Variants in CACNA1C observed in about 807,000 individuals in gnomAD.
CACNA1C encodes the protein calcium voltage-gated channel subunit alpha1 C, also known as voltage-dependent L-type calcium channel subunit alpha-1C.
CACNA1C carries 30 observed loss-of-function variants against 229.0 expected under a neutral mutation model. The observed-to-expected ratio is 0.13, with a 90% confidence interval of 0.10 to 0.18. The LOEUF (loss-of-function observed/expected upper bound fraction) is 0.18. Ranked by LOEUF, CACNA1C falls within the 10% of genes least tolerant of loss-of-function variation. CACNA1C has a pLI of 1.00. For synonymous variants in CACNA1C, 1,114 were observed against 1,132.5 expected (o/e 0.98, Z 0.33); for missense variants, 1,658 against 2,845.0 (o/e 0.58, Z 9.49).
intron 5 of CACNA1C, among the ~76,000 whole-genome samples, chr12:2,483,174 G>A (rs1224993334): frequency 6.6e-6 from 1 of 152,196 alleles, no homozygotes; most frequent in Non-Finnish European, 1.5e-5. Context: ...CGCTGGGATT[G>A]GAGGCACGAA....
chr12:2,058,809 C>CA (rs1411171287), intron 1 of CACNA1C, among the ~76,000 whole-genome samples: 6 of 152,142 alleles, frequency 3.9e-5, no homozygotes, highest in Non-Finnish European at 5.9e-5. Context: ...GCAGAAAAAG[C>CA]AAAATGGAAG....
chr12:2,579,719 T>A (rs2059840482), intron 13 of CACNA1C, among the ~76,000 whole-genome samples: 3 of 152,172 alleles, frequency 2.0e-5, no homozygotes, highest in Admixed American at 2.0e-4. Context: ...TAGGTGGGAC[T>A]ACAGGCATGC....
intron 29 of CACNA1C, among the ~76,000 whole-genome samples, chr12:2,618,436 G>C (rs2081719916): frequency 6.6e-6 from 1 of 152,256 alleles, no homozygotes. Context: ...CACAGGAGAA[G>C]AGAGTGCATG....
intron 3 of CACNA1C, among the ~76,000 whole-genome samples, chr12:2,303,182 G>T (rs976675698): frequency 6.6e-6 from 1 of 152,250 alleles, no homozygotes; most frequent in Non-Finnish European, 1.5e-5. Flanking sequence ...TGCCTTCCAG[G>T]TGGGAAAATG....
At chr12:2,454,788 G>A (rs943516157) in intron 4 of CACNA1C, among the ~76,000 whole-genome samples, 21 of 152,086 alleles carry the variant, frequency 1.4e-4, no homozygotes, top group African/African-American at 4.6e-4. Context: ...TGCCTCTCTC[G>A]TCACACTTCC....
At chr12:2,643,520 C>T (rs1446662314) in intron 30 of CACNA1C, among the ~76,000 whole-genome samples, 4 of 152,218 alleles carry the variant, frequency 2.6e-5, no homozygotes, top group Admixed American at 2.0e-4. Flanking sequence ...GTTTAACCTT[C>T]GCCTCTCTTA....
upstream of CACNA1C, among the ~76,000 whole-genome samples, chr12:2,050,675 G>A (rs1324692693): frequency 6.6e-6 from 1 of 152,170 alleles, no homozygotes; most frequent in Non-Finnish European, 1.5e-5. Flanking sequence ...TGGCAAAGAG[G>A]CCAGATTTCT....
At chr12:2,554,560 C>T (rs559202574) in intron 10 of CACNA1C, among the ~76,000 whole-genome samples, 14 of 152,230 alleles carry the variant, frequency 9.2e-5, no homozygotes, top group South Asian at 2.1e-4. Flanking sequence ...CACAGTGAAC[C>T]GGCCTAGGGT....
At chr12:2,634,267 C>T (rs746786048) in intron 29 of CACNA1C, 30 bp from the exon 30 acceptor site, 6 of 1,034,586 alleles carry the variant, frequency 5.8e-6, no homozygotes, top group Non-Finnish European at 6.6e-6. Flanking sequence ...TTCTTCTTCT[C>T]TCTCTCCCCG....
At chr12:2,300,943 G>A (rs150084235) in intron 3 of CACNA1C, among the ~76,000 whole-genome samples, 36 of 152,330 alleles carry the variant, frequency 2.4e-4, no homozygotes, top group African/African-American at 8.4e-4. Context: ...GGGATGACGA[G>A]CAGCTGCCCT....
chr12:2,269,436 C>A (rs1601553254), intron 3 of CACNA1C, among the ~76,000 whole-genome samples: 1 of 152,024 alleles, frequency 6.6e-6, no homozygotes, highest in South Asian at 2.1e-4. Flanking sequence ...AATTCTGAGC[C>A]CCTGGGTTCT....
At chr12:2,298,936 G>A (rs1243019054) in intron 3 of CACNA1C, among the ~76,000 whole-genome samples, 1 of 152,174 alleles carries the variant, frequency 6.6e-6, no homozygotes, top group African/African-American at 2.4e-5. Flanking sequence ...CCACCTCCGG[G>A]GACTTCATAG....
chr12:2,681,929 G>C, intron 42 of CACNA1C: 1 of 1,373,566 alleles, frequency 7.3e-7, no homozygotes, highest in Non-Finnish European at 1.0e-6. Flanking sequence ...AGCTAAAGAT[G>C]ACCTGACCCT....
chr12:2,603,058 T>C (rs2073538963), intron 22 of CACNA1C, among the ~76,000 whole-genome samples: 1 of 152,170 alleles, frequency 6.6e-6, no homozygotes, highest in Non-Finnish European at 1.5e-5. Context: ...GCTGAGATCA[T>C]GCAGGGACCA....
chr12:2,649,292 AT>A lies in CACNA1C; in HGVS notation c.3945+786del, dbSNP rs1603311696. On this transcript the variant is annotated intron_variant, in intron 31 of 46. Coordinates refer to ENST00000399655, the MANE Select transcript of CACNA1C (RefSeq NM_000719.7). The surrounding 1 kb of genome is among the most constrained non-coding windows in gnomAD (Gnocchi z 4.4). ...CAGCCGCCTCCAAAAGGCTGCCGTT[AT>A]GCATTTCTAACCGGGCCAAGTATGA... Among the ~76,000 whole-genome samples the A allele has an allele frequency of 6.6e-6, 1 of 152,188 alleles. No homozygotes were observed. Among genetic ancestry groups the A allele is most frequent in the Non-Finnish European group, 1.5e-5 (1 of 68,028 alleles).
intron 3 of CACNA1C, among the ~76,000 whole-genome samples, chr12:2,341,409 G>A (rs1196424640): frequency 1.3e-5 from 2 of 152,154 alleles, no homozygotes; most frequent in Non-Finnish European, 1.5e-5. Context: ...CCAATTTCCT[G>A]AGGATTCCAA....
chr12:2,135,955 C>G (rs557424899), intron 3 of CACNA1C, among the ~76,000 whole-genome samples: 1 of 148,976 alleles, frequency 6.7e-6, no homozygotes, highest in Non-Finnish European at 1.5e-5. Flanking sequence ...TAGCAATCAG[C>G]GAGACTCCGT....
At chr12:2,496,769 T>C (rs991047464) in intron 7 of CACNA1C, among the ~76,000 whole-genome samples, 1 of 152,168 alleles carries the variant, frequency 6.6e-6, no homozygotes, top group African/African-American at 2.4e-5. Context: ...TAATATCCTG[T>C]TTGAGGAGTG....
rs1387847347 is a variant in CACNA1C at position 2,285,475 on chromosome 12, T to C, written c.478-163501T>C. On this transcript the variant is annotated intron_variant, in intron 3 of 46. Coordinates refer to ENST00000399655, the MANE Select transcript of CACNA1C (RefSeq NM_000719.7). The surrounding 1 kb of genome is among the most constrained non-coding windows in gnomAD (Gnocchi z 4.2). Reference sequence around the variant, plus strand: ...TAGTGGAGGAAATGGCAGCCTTCCTTCCTTGCCCATAGCCTGTGCCGGCTA... The same window carrying C: ...TAGTGGAGGAAATGGCAGCCTTCCTCCCTTGCCCATAGCCTGTGCCGGCTA... 6.6e-6 allele frequency among the ~76,000 whole-genome samples: 1 copy of C among 152,108 alleles called. No individual in the cohort carries two copies. The highest frequency in any genetic ancestry group is 1.5e-5 in the Non-Finnish European group (1 of 68,026).
Sources: gnomAD v4.1 joint callset for allele counts (sites outside exome capture counted in the v4.1 genomes callset) on GRCh38, gnomAD v4.1.1 for gene constraint, Gnocchi (gnomAD v3.1) non-coding constraint, MANE v1.5 for transcripts, NCBI Gene and HGNC (gene_info 2026-07-23, HGNC 2026-07-21) for gene names.